ZFR2: variants seen among roughly 807,000 people sequenced by gnomAD.
ZFR2 encodes zinc finger RNA binding protein 2.
A neutral mutation model predicts 105.7 loss-of-function variants in ZFR2; 104 were observed. The observed-to-expected ratio is 0.98, with a 90% CI of 0.84 to 1.16. The LOEUF (loss-of-function observed/expected upper bound fraction) is 1.16, where lower values mean the gene tolerates loss of function less well. ZFR2 is among the 50% of genes most tolerant of loss of function. The probability of loss-of-function intolerance (pLI) is 0.00; values close to 1 mark genes in which losing one functional copy is unlikely to be tolerated. For missense variants in ZFR2, 1,425 were observed against 1,355.5 expected, an observed-to-expected ratio of 1.05 and a Z score of -0.80; for synonymous variants, 634 against 597.7, an observed-to-expected ratio of 1.06 and a Z score of -0.89.
chr19:3,805,663 A>C lies in ZFR2; in HGVS notation c.*286T>G, dbSNP rs2037687580. On this transcript the variant is annotated 3_prime_UTR_variant, in exon 19 of 19. Coordinates refer to ENST00000262961, the MANE Select transcript of ZFR2 (RefSeq NM_015174.2). ...ACCGCGCCTGGCCACCAACCATGCCAAGCTGATTTTTAAAAATATTTTGGA... is the reference window on the plus strand; with the variant it reads ...ACCGCGCCTGGCCACCAACCATGCCCAGCTGATTTTTAAAAATATTTTGGA... 12 of 330,548 alleles carry C rather than the reference A, an allele frequency of 3.6e-5. No homozygotes were observed. The highest frequency in any genetic ancestry group is 9.5e-5 in the Admixed American group (2 of 21,084). The allele number at this position is 330,548 out of a possible 1,614,324, so 20.5% of individuals were successfully genotyped here.
chr19:3,808,170 T>C (rs959193392), intron 17 of ZFR2, among the ~76,000 whole-genome samples: 1 of 150,590 alleles, frequency 6.6e-6, no homozygotes, highest in African/African-American at 2.4e-5. Context: ...TCCATGTGTG[T>C]GCCTGTGCGT....
intron 1 of ZFR2, chr19:3,855,254 G>T: frequency 1.4e-6 from 1 of 719,712 alleles, no homozygotes; most frequent in Non-Finnish European, 1.9e-6. Flanking sequence ...AACTTAGCAT[G>T]GAAAATCATT....
chr19:3,828,325 T>TA (rs2037975243), intron 5 of ZFR2, among the ~76,000 whole-genome samples: 1 of 152,124 alleles, frequency 6.6e-6, no homozygotes, highest in South Asian at 2.1e-4. Context: ...AAGTGTCCCT[T>TA]TATGAAGCCC....
Position 3,811,299 on chromosome 19 carries a change from G to A in ZFR2, c.2310C>T (p.Ala770=), listed in dbSNP as rs555659626. 4.2e-5 allele frequency: 67 copies of A among 1,602,752 alleles called. No individual in the cohort carries two copies. In the African/African-American group the frequency reaches 4.8e-4, roughly 12 times the overall value. The change falls in exon 15 of 19, where the codon GCC becomes GCT. Residue 770 remains alanine (A), a synonymous_variant. Transcript: ENST00000262961. ...LSPKKCLESL[A]ALRHARWFQA... ...GAAACCACCTGGCATGACGGAGGGCGGCCAGGGACTCGAGGCACTTCTTGG... is the reference window on the plus strand; with the variant it reads ...GAAACCACCTGGCATGACGGAGGGCAGCCAGGGACTCGAGGCACTTCTTGG...
At chr19:3,807,883 ATG>A (rs1420661697) in intron 17 of ZFR2, among the ~76,000 whole-genome samples, 1 of 133,114 alleles carries the variant, frequency 7.5e-6, no homozygotes, top group Non-Finnish European at 1.6e-5. Context: ...GTGTGTGTGC[ATG>A]TGTGCCCGTG....
intron 10 of ZFR2, among the ~76,000 whole-genome samples, chr19:3,820,849 G>A (rs138662549): frequency 0.12 from 5,818 of 49,660 alleles, 286 homozygotes; most frequent in East Asian, 0.19. Context: ...CAGGGACACC[G>A]GGGGTCGGGG....
chr19:3,835,944 C>T (rs1330672186), intron 1 of ZFR2, among the ~76,000 whole-genome samples: 1 of 152,036 alleles, frequency 6.6e-6, no homozygotes, highest in Non-Finnish European at 1.5e-5. Flanking sequence ...CAGAGTAAGA[C>T]TCTGTCTCAA....
chr19:3,846,309 T>C (rs2038184184), intron 1 of ZFR2, among the ~76,000 whole-genome samples: 1 of 152,244 alleles, frequency 6.6e-6, no homozygotes, highest in Non-Finnish European at 1.5e-5. Flanking sequence ...CGGCAGTTGG[T>C]TGAATCCACA....
Position 3,831,509 on chromosome 19 carries a change from G to T in ZFR2, c.646C>A (p.Pro216Thr). ...YDASVYSAAS[P>T]FYPPAQPPPP... ...GGGGGCTGCGCTGGAGGATAGAAAGGGCTGGCAGCGGAGTACACCGACGCG... is the reference window on the plus strand; with the variant it reads ...GGGGGCTGCGCTGGAGGATAGAAAGTGCTGGCAGCGGAGTACACCGACGCG... The change falls in exon 5 of 19, where the codon CCT becomes ACT. Residue 216 changes from proline to threonine, a missense_variant. Transcript: ENST00000262961. 1 of 1,555,824 alleles carries T rather than the reference G, an allele frequency of 6.4e-7. No homozygotes were observed. The highest frequency in any genetic ancestry group is 8.7e-7 in the Non-Finnish European group (1 of 1,150,294).
intron 12 of ZFR2, among the ~76,000 whole-genome samples, 176 bp downstream of exon 12, chr19:3,818,869 A>G (rs2037853909): frequency 6.6e-6 from 1 of 152,266 alleles, no homozygotes; most frequent in Non-Finnish European, 1.5e-5. Flanking sequence ...TTCAGTGCCG[A>G]GAAGCTCCAG....
chr19:3,844,003 A>C (rs2038160820), intron 1 of ZFR2, among the ~76,000 whole-genome samples: 2 of 45,620 alleles, frequency 4.4e-5, no homozygotes, highest in Admixed American at 8.7e-4. Flanking sequence ...CAGAGACAGA[A>C]AGTAGGATGT....
intron 16 of ZFR2, among the ~76,000 whole-genome samples, chr19:3,809,578 G>A (rs1034786164): frequency 4.6e-5 from 7 of 152,158 alleles, no homozygotes; most frequent in South Asian, 4.1e-4. Context: ...CAGGACAGCC[G>A]CACACCGGTC....
rs192537801 is a variant in ZFR2, at chr19:3,838,065, T to C, written c.54-3082A>G. 2.8e-4 allele frequency among the ~76,000 whole-genome samples: 37 copies of C among 130,684 alleles called. No individual in the cohort carries two copies. Among genetic ancestry groups the C allele is most frequent in the African/African-American group, 5.8e-4 (20 of 34,764 alleles). The allele number at this position is 130,684 out of a possible 152,430, so 85.7% of individuals were successfully genotyped here. Reference sequence around the variant, plus strand: ...CGATGAACACCATGACCGTGACACGTGATGAACACCATGACCGTGACACGC... The same window carrying C: ...CGATGAACACCATGACCGTGACACGCGATGAACACCATGACCGTGACACGC... On this transcript the variant is annotated intron_variant, in intron 1 of 18. Transcript: ENST00000262961. The surrounding 1 kb of genome is among the most constrained non-coding windows in gnomAD (Gnocchi z 4.9).
chr19:3,864,501 G>A (rs190221780), intron 1 of ZFR2, among the ~76,000 whole-genome samples: 63 of 152,340 alleles, frequency 4.1e-4, no homozygotes, highest in Non-Finnish European at 7.3e-4. Flanking sequence ...ACAGCTAGCC[G>A]ACTGCGTAAT....
intron 17 of ZFR2, among the ~76,000 whole-genome samples, chr19:3,807,685 G>GTGCATGCACCCATGTGTGTCCA (rs1419900994): frequency 6.7e-6 from 1 of 148,368 alleles, no homozygotes; most frequent in Non-Finnish European, 1.5e-5. Flanking sequence ...GTGTGTGCTT[G>GTGCATGCACCCATGTGTGTCCA]TGCATGCACC....
At chr19:3,827,223 C>G (rs570280954) in intron 6 of ZFR2, among the ~76,000 whole-genome samples, 57 of 152,246 alleles carry the variant, frequency 3.7e-4, no homozygotes, top group African/African-American at 1.3e-3. Context: ...GCCTGGGGAA[C>G]AGGACGAGAC....
intron 1 of ZFR2, among the ~76,000 whole-genome samples, chr19:3,868,754 G>A (rs1599264017): frequency 6.6e-6 from 1 of 151,982 alleles, no homozygotes; most frequent in Non-Finnish European, 1.5e-5. Context: ...CGTCTCAGCC[G>A]GAGCCCCGGA....
At position 3,805,974 on chromosome 19, in the gene ZFR2, C is replaced by G. The variant is rs752835584; in HGVS notation, c.2795G>C (p.Arg932Pro). ...EEGAGEKKRG[R>P]RGGEGLV is the part of the protein sequence containing the mutation. ...TCACACGAGCCCCTCTCCGCCCCGC[C>G]GGCCCCGCTTCTTCTCCCCTGCGCC... The change falls in exon 19 of 19, where the codon CGG becomes CCG. Residue 932 changes from arginine (R) to proline (P), a missense_variant. Transcript: ENST00000262961. 1 of 1,539,266 alleles carries G rather than the reference C, an allele frequency of 6.5e-7. No homozygotes were observed. Among genetic ancestry groups the G allele is most frequent in the Admixed American group, 2.0e-5 (1 of 50,790 alleles).
At chr19:3,859,234 A>G (rs2038342336) in intron 1 of ZFR2, among the ~76,000 whole-genome samples, 1 of 151,958 alleles carries the variant, frequency 6.6e-6, no homozygotes, top group South Asian at 2.1e-4. Flanking sequence ...CGAACATCAG[A>G]CTCCAAGTTC....
Sources: allele counts gnomAD v4.1 joint callset (sites outside exome capture counted in the v4.1 genomes callset), GRCh38; gene constraint gnomAD v4.1.1; non-coding constraint Gnocchi (gnomAD v3.1); transcripts MANE v1.5; gene names NCBI Gene and HGNC (gene_info 2026-07-23, HGNC 2026-07-21).